KDSR: variants seen among roughly 807,000 people sequenced by gnomAD.
The protein encoded by KDSR is 3-ketodihydrosphingosine reductase.
In KDSR, 23 loss-of-function variants were observed where a neutral mutation model predicts 41.3. The observed-to-expected ratio is 0.56, with a 90% CI of 0.40 to 0.79. The LOEUF (loss-of-function observed/expected upper bound fraction) is 0.79. KDSR is among the 30% of genes least tolerant of loss of function. KDSR has a pLI of 0.00. For synonymous variants in KDSR, 138 were observed against 151.7 expected, an observed-to-expected ratio of 0.91 and a Z score of 0.66; for missense variants, 351 against 416.8, an observed-to-expected ratio of 0.84 and a Z score of 1.37.
chr18:63,356,716 G>A (rs1429260978), intron 3 of KDSR, among the ~76,000 whole-genome samples: 1 of 152,214 alleles, frequency 6.6e-6, no homozygotes, highest in Non-Finnish European at 1.5e-5. Context: ...AGCGGAGACA[G>A]TGTTGGCAGC....
chr18:63,334,943 T>C (rs1914113220), intron 9 of KDSR, among the ~76,000 whole-genome samples: 1 of 152,222 alleles, frequency 6.6e-6, no homozygotes. Context: ...TATTCCATTT[T>C]CAAAACACAT....
chr18:63,359,560 T>C (rs1402621105), intron 3 of KDSR, 176 bp downstream of exon 3: 3 of 550,712 alleles, frequency 5.4e-6, no homozygotes, highest in African/African-American at 3.7e-5. Context: ...TGGGAGTCTA[T>C]TCATTTTGCG....
chr18:63,332,475 A>T (rs1012286182), intron 9 of KDSR, among the ~76,000 whole-genome samples: 1 of 152,134 alleles, frequency 6.6e-6, no homozygotes, highest in Non-Finnish European at 1.5e-5. Context: ...AACTCAAAGG[A>T]TTCTCCTGCC....
chr18:63,363,081 T>C (rs1197372489), intron 1 of KDSR, among the ~76,000 whole-genome samples: 2 of 152,336 alleles, frequency 1.3e-5, no homozygotes, highest in East Asian at 3.9e-4. Flanking sequence ...TGTTTTCTTA[T>C]GGAACCATAA....
chr18:63,343,566 T>C (rs1005774219), intron 7 of KDSR, among the ~76,000 whole-genome samples: 2 of 151,638 alleles, frequency 1.3e-5, no homozygotes, highest in Non-Finnish European at 2.9e-5. Flanking sequence ...TTTTTAAATT[T>C]TTTGTAGAGA....
intron 6 of KDSR, 144 bp from the exon 7 acceptor site, chr18:63,344,637 C>A: frequency 1.8e-6 from 1 of 559,920 alleles, no homozygotes; most frequent in Admixed American, 3.0e-5. Flanking sequence ...ACACCAATTG[C>A]ATTGAGAAAC....
chr18:63,351,677 T>C (rs1377169729), intron 5 of KDSR, among the ~76,000 whole-genome samples: 1 of 152,228 alleles, frequency 6.6e-6, no homozygotes, highest in Admixed American at 6.5e-5. Flanking sequence ...GTCCTGGACC[T>C]CAAGAACCAC....
chr18:63,347,369 A>C (rs1429400806), intron 6 of KDSR, among the ~76,000 whole-genome samples: 1 of 151,736 alleles, frequency 6.6e-6, no homozygotes, highest in African/African-American at 2.4e-5. Flanking sequence ...GGTGGTGGGC[A>C]CCTGTAATCC....
In KDSR at chr18:63,335,385, G is replaced by A. The variant is rs372823909; in HGVS notation, c.778-27C>T. ...TAAAAGAGAAGAAAAAGAAGAGAAA[G>A]AGGGAATCCTAGTAATGTGGACAGA... On this transcript the variant is annotated intron_variant, in intron 8 of 9. Transcript: ENST00000645214. The A allele has an allele frequency of 4.0e-5, 60 of 1,492,462 alleles. 1 individual carries two copies. In the African/African-American group the frequency reaches 7.7e-4, roughly 19 times the overall value. The allele number at this position is 1,492,462 out of a possible 1,614,324, so 92.5% of individuals were successfully genotyped here.
chr18:63,344,787 G>A (rs1238150124), intron 6 of KDSR: 2 of 284,158 alleles, frequency 7.0e-6, no homozygotes, highest in African/African-American at 2.2e-5. Context: ...GGCCCTGGGA[G>A]CCGTCCGACG....
intron 6 of KDSR, among the ~76,000 whole-genome samples, chr18:63,347,235 G>C (rs1430282243): frequency 6.6e-6 from 1 of 152,056 alleles, no homozygotes; most frequent in Non-Finnish European, 1.5e-5. Context: ...CGGGTGCAGT[G>C]GCTCACATAT....
chr18:63,358,487 A>G (rs1033011445), intron 3 of KDSR, among the ~76,000 whole-genome samples: 3 of 152,128 alleles, frequency 2.0e-5, no homozygotes, highest in African/African-American at 7.2e-5. Flanking sequence ...AAGCTGTTAA[A>G]AAATAAGAAT....
intron 9 of KDSR, among the ~76,000 whole-genome samples, chr18:63,332,280 C>T (rs187438769): frequency 4.6e-5 from 7 of 152,314 alleles, no homozygotes; most frequent in East Asian, 1.9e-4. Context: ...AGACCCTATA[C>T]TAGGTGCTGT....
chr18:63,331,866 CA>C lies in KDSR; in HGVS notation c.914del (p.Leu305CysfsTer10). On this transcript the variant is annotated frameshift_variant, in exon 10 of 10. Transcript: ENST00000645214. LOFTEE classifies it high-confidence loss of function. ...VTMGLFRTIALFYLGSFDSIV... is the reference protein window; with the variant it reads ...VTMGLFRTIAXFYLGSFDSIV... Reference sequence around the variant, plus strand: ...TGCTGTCAAAACTTCCAAGGTAAAACAAAGCAATAGTGCGGAAAAGGCCCAT... The same window carrying C: ...TGCTGTCAAAACTTCCAAGGTAAAACAAGCAATAGTGCGGAAAAGGCCCAT... The C allele has an allele frequency of 6.2e-7, 1 of 1,613,964 alleles. No individual in the cohort carries two copies. Among genetic ancestry groups the C allele is most frequent in the Non-Finnish European group, 8.5e-7 (1 of 1,179,912 alleles).
Position 63,327,903 on chromosome 18 carries a change from T to C in KDSR, c.*3879A>G. Reference sequence around the variant, plus strand: ...TTAAAAAGTCTTTAGAGTTATCACATCAAGCAAGTGTAAAATATAATAGCT... The same window carrying C: ...TTAAAAAGTCTTTAGAGTTATCACACCAAGCAAGTGTAAAATATAATAGCT... On this transcript the variant is annotated 3_prime_UTR_variant, in exon 10 of 10. Transcript: ENST00000645214. 5.0e-6 allele frequency: 1 copy of C among 201,108 alleles called. No individual in the cohort carries two copies. Among genetic ancestry groups the C allele is most frequent in the East Asian group, 7.6e-5 (1 of 13,078 alleles). 12.5% of individuals were successfully genotyped at this position (201,108 alleles called of 1,614,324 possible). A position where few individuals can be genotyped will look rare whatever the true frequency, so the allele number is the denominator to read the frequency against.
intron 6 of KDSR, among the ~76,000 whole-genome samples, chr18:63,348,013 G>A (rs1368037012): frequency 6.6e-6 from 1 of 152,138 alleles, no homozygotes; most frequent in African/African-American, 2.4e-5. Flanking sequence ...GCCAGACACA[G>A]TGGCTCACAC....
At chr18:63,336,212 T>C (rs1027237706) in intron 8 of KDSR, among the ~76,000 whole-genome samples, 1 of 152,134 alleles carries the variant, frequency 6.6e-6, no homozygotes, top group Non-Finnish European at 1.5e-5. Flanking sequence ...GTATTTTTAG[T>C]AGAGATGGGG....
intron 3 of KDSR, among the ~76,000 whole-genome samples, chr18:63,359,040 A>G (rs962879620): frequency 4.0e-5 from 6 of 150,586 alleles, no homozygotes; most frequent in Admixed American, 3.3e-4. Context: ...TTAGCCATGC[A>G]TGATGGCACG....
intron 6 of KDSR, among the ~76,000 whole-genome samples, chr18:63,350,031 C>A (rs1343590162): frequency 6.6e-6 from 1 of 152,220 alleles, no homozygotes; most frequent in Non-Finnish European, 1.5e-5. Flanking sequence ...ACAGTGAATA[C>A]TCTTCTGGGC....
Sources: gnomAD v4.1 joint callset for allele counts (sites outside exome capture counted in the v4.1 genomes callset) on GRCh38, gnomAD v4.1.1 for gene constraint, MANE v1.5 for transcripts, NCBI Gene and HGNC (gene_info 2026-07-23, HGNC 2026-07-21) for gene names.